The following PDE1C variants were observed in gnomAD, a reference collection of about 807,000 sequenced individuals.
PDE1C encodes the protein phosphodiesterase 1C.
In PDE1C, 62 loss-of-function variants were observed where a neutral mutation model predicts 93.1. The observed-to-expected ratio is 0.67, with a 90% CI of 0.54 to 0.82. PDE1C has a LOEUF of 0.82. Among genes scored for constraint, PDE1C ranks in the 40% least tolerant of loss-of-function variants. The pLI, the probability that PDE1C is intolerant of heterozygous loss-of-function variation, is 0.00. For synonymous variants in PDE1C, 325 were observed against 310.1 expected, an observed-to-expected ratio of 1.05 and a Z score of -0.50; for missense variants, 742 against 884.6, an observed-to-expected ratio of 0.84 and a Z score of 2.04.
the PDE1C span, chr7:31,708,329 C>T: frequency 6.6e-6 from 1 of 152,202 alleles, no homozygotes; most frequent in Admixed American, 6.5e-5. Flanking sequence ...ATTGTCACAA[C>T]TAAGAGTGAT....
intron 2 of PDE1C, among the ~76,000 whole-genome samples, chr7:32,007,149 A>C (rs13237455): frequency 0.011 from 1,635 of 152,130 alleles, 14 homozygotes; most frequent in Non-Finnish European, 0.015. Context: ...AGTTTAACTA[A>C]CTCTATTAGG....
intron 2 of PDE1C, among the ~76,000 whole-genome samples, chr7:32,046,774 C>A (rs769176817): frequency 2.6e-5 from 4 of 152,096 alleles, no homozygotes; most frequent in Admixed American, 6.6e-5. Flanking sequence ...ACAGTAAGAG[C>A]TAGAACTTCT....
chr7:31,862,874 C>T (rs73306520), intron 7 of PDE1C, among the ~76,000 whole-genome samples: 3,486 of 152,238 alleles, frequency 0.023, 125 homozygotes, highest in African/African-American at 0.08. Context: ...GCAGCACATG[C>T]TCAGCTTCAG....
At position 32,057,616 on chromosome 7, in the gene PDE1C, T is replaced by C. The variant is rs1319241964; in HGVS notation, c.102-6036A>G. On this transcript the variant is annotated intron_variant, in intron 1 of 17. Transcript: ENST00000396191. ...GAAGCTTCTAGACCCTGAACTTCAT[T>C]TTCCTTCTCCTGCCCTCAGTCAGGG... Among the ~76,000 whole-genome samples the C allele has an allele frequency of 2.0e-5, 3 of 152,216 alleles. No individual in the cohort carries two copies. The East Asian group carries it at 5.8e-4, about 29-fold the overall frequency.
At chr7:31,638,804 A>G in the PDE1C span, among the ~76,000 whole-genome samples, 1 of 151,692 alleles carries the variant, frequency 6.6e-6, no homozygotes, top group Non-Finnish European at 1.5e-5. Flanking sequence ...TGAGATGGAG[A>G]CTTGCTCTGT....
chr7:31,731,477 GCCT>G, the PDE1C span, among the ~76,000 whole-genome samples: 1 of 152,120 alleles, frequency 6.6e-6, no homozygotes, highest in Middle Eastern at 3.4e-3. Flanking sequence ...TGCAACCTCC[GCCT>G]CCCCGGTTCA....
chr7:32,298,802 A>G (rs1200282534), exon 1 of PDE1C: 2 of 1,531,448 alleles, frequency 1.3e-6, no homozygotes, highest in African/African-American at 1.4e-5. Flanking sequence ...CCCACGGCGG[A>G]GTGAGCAGCC....
chr7:31,860,841 T>C (rs1794608077), intron 7 of PDE1C, among the ~76,000 whole-genome samples: 1 of 152,180 alleles, frequency 6.6e-6, no homozygotes, highest in Admixed American at 6.6e-5. Flanking sequence ...TTTACTTTTG[T>C]ACTTACATCT....
chr7:31,842,680 A>G (rs1043476737), intron 9 of PDE1C, among the ~76,000 whole-genome samples: 1 of 152,006 alleles, frequency 6.6e-6, no homozygotes, highest in Non-Finnish European at 1.5e-5. Context: ...AAGGTTGTCA[A>G]TCATGTTGCT....
rs771477048 is a variant in PDE1C, at chr7:31,823,257, CA to C, written c.1407-10del. 10 of 1,594,154 alleles carry C rather than the reference CA, an allele frequency of 6.3e-6. No individual in the cohort carries two copies. Among genetic ancestry groups the C allele is most frequent in the African/African-American group, 4.1e-5 (3 of 73,684 alleles). Reference sequence around the variant, plus strand: ...AGCTGATGCTATTCAAACTGGAAAACAAAAAAATCATACCAAAGAAGAGAGT... The same window carrying C: ...AGCTGATGCTATTCAAACTGGAAAACAAAAAATCATACCAAAGAAGAGAGT... On this transcript the variant is annotated splice_polypyrimidine_tract_variant and intron_variant, in intron 13 of 17. Coordinates refer to ENST00000396191, the MANE Select transcript of PDE1C (RefSeq NM_001191057.4).
intron 2 of PDE1C, among the ~76,000 whole-genome samples, chr7:31,951,615 C>T (rs559372848): frequency 1.3e-5 from 2 of 152,320 alleles, no homozygotes; most frequent in East Asian, 1.9e-4. Flanking sequence ...GGGATTTCTC[C>T]CTCAGAGACA....
At chr7:32,327,014 T>A (rs6462355) in intron 1 of PDE1C, among the ~76,000 whole-genome samples, 44,740 of 151,954 alleles carry the variant, frequency 0.29, 7,630 homozygotes, top group East Asian at 0.52. Context: ...CCTAATAACA[T>A]GAGCAAAACA....
chr7:32,175,028 C>G (rs1411700458), intron 2 of PDE1C, among the ~76,000 whole-genome samples: 1 of 152,184 alleles, frequency 6.6e-6, no homozygotes, highest in Non-Finnish European at 1.5e-5. Context: ...GAGACCCAAG[C>G]CACCTCTACA....
At chr7:31,864,229 G>A (rs903318305) in intron 7 of PDE1C, among the ~76,000 whole-genome samples, 5 of 152,122 alleles carry the variant, frequency 3.3e-5, no homozygotes, top group African/African-American at 1.2e-4. Context: ...GATGGTGCAC[G>A]CCCATAGTCC....
chr7:32,117,860 G>A (rs1370517930), intron 3 of PDE1C, among the ~76,000 whole-genome samples: 1 of 152,218 alleles, frequency 6.6e-6, no homozygotes, highest in Non-Finnish European at 1.5e-5. Context: ...GGGAAGGGGT[G>A]TTGTTGTGAA....
the PDE1C span, among the ~76,000 whole-genome samples, chr7:31,666,662 T>A: frequency 2.0e-5 from 3 of 152,154 alleles, no homozygotes; most frequent in Non-Finnish European, 4.4e-5. Context: ...GGTGTAGAGT[T>A]CTATGAATTT....
chr7:32,019,076 G>A (rs1394768392), intron 2 of PDE1C, among the ~76,000 whole-genome samples: 1 of 151,214 alleles, frequency 6.6e-6, no homozygotes, highest in African/African-American at 2.4e-5. Flanking sequence ...CTAGGTAAGG[G>A]GCCCAAAGGT....
At chr7:31,629,724 T>C in the PDE1C span, among the ~76,000 whole-genome samples, 1 of 152,170 alleles carries the variant, frequency 6.6e-6, no homozygotes, top group African/African-American at 2.4e-5. Context: ...AGGTGCATAG[T>C]TGTATTTTAA....
At chr7:31,814,019 CGTGTGTGT>C (rs147151538) in intron 15 of PDE1C, among the ~76,000 whole-genome samples, 1 of 149,396 alleles carries the variant, frequency 6.7e-6, no homozygotes, top group African/African-American at 2.5e-5. Flanking sequence ...AGTATTCCAT[CGTGTGTGT>C]GTGTGTGTGT....
Sources: gnomAD v4.1 joint callset for allele counts (sites outside exome capture counted in the v4.1 genomes callset) on GRCh38, gnomAD v4.1.1 for gene constraint, MANE v1.5 for transcripts, NCBI Gene and HGNC (gene_info 2026-07-23, HGNC 2026-07-21) for gene names.